KCTD1: variants seen among roughly 807,000 people sequenced by gnomAD.
KCTD1 encodes the protein BTB/POZ domain-containing protein KCTD1.
In KCTD1, 24 loss-of-function variants were observed where a neutral mutation model predicts 66.0. The observed-to-expected ratio is 0.36, with a 90% CI of 0.26 to 0.51. The LOEUF is 0.51. Among genes scored for constraint, KCTD1 ranks in the 20% least tolerant of loss-of-function variants. The pLI, the probability that KCTD1 is intolerant of heterozygous loss-of-function variation, is 0.95. For synonymous variants in KCTD1, 511 were observed against 517.2 expected (o/e 0.99, Z 0.16); for missense variants, 943 against 1,205.2 (o/e 0.78, Z 3.22).
At chr18:26,530,215 C>T (rs1410200724) in intron 1 of KCTD1, among the ~76,000 whole-genome samples, 1 of 152,222 alleles carries the variant, frequency 6.6e-6, no homozygotes. Flanking sequence ...AGTTCTTTCC[C>T]TAAGAACTTC....
chr18:26,479,149 C>T (rs1392630221), intron 2 of KCTD1, among the ~76,000 whole-genome samples: 1 of 152,262 alleles, frequency 6.6e-6, no homozygotes, highest in Non-Finnish European at 1.5e-5. Flanking sequence ...AGAGGGAGAT[C>T]TGAAGCGAGC....
chr18:26,514,517 C>T lies in KCTD1; in HGVS notation c.1810-13267G>A, dbSNP rs562800267. On this transcript the variant is annotated intron_variant, in intron 1 of 4. Transcript: ENST00000580059. ...GTGAGCTATGATCATGCCACTGCAT[C>T]CTAGCCCAGGCAACAGAGTGAGACC... Among the ~76,000 whole-genome samples, 12 of 148,158 alleles carry T rather than the reference C, an allele frequency of 8.1e-5. No individual in the cohort carries two copies. The East Asian group carries it at 1.6e-3, about 19-fold the overall frequency.
chr18:26,573,028 C>T (rs961124594), intron 1 of KCTD1, among the ~76,000 whole-genome samples: 2 of 146,382 alleles, frequency 1.4e-5, no homozygotes, highest in Non-Finnish European at 3.0e-5. Flanking sequence ...CCACCCCCCC[C>T]TTTTTTTTTT....
chr18:26,502,638 T>A (rs972884444), intron 1 of KCTD1, among the ~76,000 whole-genome samples: 2 of 152,230 alleles, frequency 1.3e-5, no homozygotes, highest in Non-Finnish European at 2.9e-5. Flanking sequence ...TGGTATTCAA[T>A]GAAGGGGTCA....
Position 26,548,068 on chromosome 18 carries a change from G to C in KCTD1, c.469C>G (p.Pro157Ala). ...CGCTCGGGGCGCTGCAGCACGTCGG[G>C]GTCCAGCTCGGAGCCGTCCCCGGGC... ...GPPGDGSELD[P>A]DVLQRPERAR... Residue 157 changes from proline to alanine, a missense_variant, in exon 1 of 5, where the codon CCC (proline) becomes GCC (alanine). This residue lies in a region of KCTD1 where 96 missense variants were observed against 132.5 expected (regional missense o/e 0.72). Transcript: ENST00000580059. 6.7e-7 allele frequency: 1 copy of C among 1,484,180 alleles called. No homozygotes were observed. Among genetic ancestry groups the C allele is most frequent in the Non-Finnish European group, 8.9e-7 (1 of 1,119,486 alleles). 91.9% of individuals were successfully genotyped at this position (1,484,180 alleles called of 1,614,324 possible). A position where few individuals can be genotyped will look rare whatever the true frequency, so the allele number is the denominator to read the frequency against.
intron 3 of KCTD1, among the ~76,000 whole-genome samples, chr18:26,470,723 T>C (rs959121020): frequency 6.6e-6 from 1 of 152,224 alleles, no homozygotes; most frequent in Non-Finnish European, 1.5e-5. Flanking sequence ...CAGTGAGTGA[T>C]AGATGCACTG....
rs910320221 is a variant in KCTD1 at position 26,459,761 on chromosome 18, G to A, written c.2298C>T (p.Ser766=). 16 of 1,614,026 alleles carry A rather than the reference G, an allele frequency of 9.9e-6. No individual in the cohort carries two copies. Among genetic ancestry groups the A allele is most frequent in the African/African-American group, 6.7e-5 (5 of 74,914 alleles). The change falls in exon 4 of 5, where the codon AGC becomes AGT. Residue 766 remains serine (S), a synonymous_variant. Coordinates refer to ENST00000580059, the MANE Select transcript of KCTD1 (RefSeq NM_001142730.3). ...CTTCTTCTATCAAGGATTTGTCACC[G>A]CTTAGCGTGATCCTTTCTCCGAGGT... The part of the protein sequence containing the change: ...APDLGERITL[S]GDKSLIEEVF...
chr18:26,591,796 T>C (rs1388275178), intron 1 of KCTD1, among the ~76,000 whole-genome samples: 3 of 152,204 alleles, frequency 2.0e-5, no homozygotes, highest in African/African-American at 7.2e-5. Context: ...TTGGTGTATA[T>C]AATAAATAAA....
At chr18:26,634,174 G>A (rs554292828), upstream of KCTD1, among the ~76,000 whole-genome samples, 1 of 152,172 alleles carries the variant, frequency 6.6e-6, no homozygotes, top group South Asian at 2.1e-4. Context: ...ATTCAGGGTG[G>A]CAAAAAAGTG....
chr18:26,484,299 C>A (rs1014919740), intron 2 of KCTD1, among the ~76,000 whole-genome samples: 1 of 152,030 alleles, frequency 6.6e-6, no homozygotes, highest in Admixed American at 6.6e-5. Context: ...ACAAACAAAA[C>A]AAATTATATC....
At chr18:26,563,010 C>G (rs1244021822) in intron 1 of KCTD1, among the ~76,000 whole-genome samples, 1 of 152,184 alleles carries the variant, frequency 6.6e-6, no homozygotes, top group Non-Finnish European at 1.5e-5. Context: ...TCCAAATCTG[C>G]TCCTCCTGCT....
At chr18:26,495,929 G>A (rs1327696720) in intron 2 of KCTD1, among the ~76,000 whole-genome samples, 1 of 152,132 alleles carries the variant, frequency 6.6e-6, no homozygotes, top group African/African-American at 2.4e-5. Context: ...GTTTTTGTTG[G>A]AGGTAATAGT....
intron 1 of KCTD1, among the ~76,000 whole-genome samples, chr18:26,573,001 C>T (rs764760477): frequency 2.0e-5 from 3 of 151,702 alleles, no homozygotes; most frequent in Non-Finnish European, 4.4e-5. Context: ...TATAGTGTAA[C>T]CCTACAGACT....
chr18:26,551,981 C>T (rs1985582330), upstream of KCTD1, among the ~76,000 whole-genome samples: 1 of 152,166 alleles, frequency 6.6e-6, no homozygotes, highest in Admixed American at 6.5e-5. Context: ...GGATACATGA[C>T]TTCTTTATAA....
intron 1 of KCTD1, among the ~76,000 whole-genome samples, chr18:26,539,304 A>G (rs1598927989): frequency 1.3e-5 from 2 of 152,262 alleles, no homozygotes; most frequent in African/African-American, 4.8e-5. Context: ...GAAGGGCTGC[A>G]TGAGGATTAA....
intron 3 of KCTD1, among the ~76,000 whole-genome samples, chr18:26,466,863 C>G (rs2144561658): frequency 6.6e-6 from 1 of 152,304 alleles, no homozygotes; most frequent in East Asian, 1.9e-4. Context: ...GGGATAGATT[C>G]ATGAGCTAAA....
chr18:26,470,918 G>A (rs1202845429), intron 3 of KCTD1, among the ~76,000 whole-genome samples: 2 of 152,232 alleles, frequency 1.3e-5, no homozygotes, highest in Non-Finnish European at 2.9e-5. Context: ...GAGGGACCAA[G>A]AGAAGTCCTG....
chr18:26,508,089 A>C (rs542750399), intron 1 of KCTD1, among the ~76,000 whole-genome samples: 2 of 152,346 alleles, frequency 1.3e-5, no homozygotes, highest in South Asian at 4.1e-4. Context: ...AAGCCAAAAA[A>C]AGTGCTTATT....
At chr18:26,609,275 T>C (rs1245772673) in intron 1 of KCTD1, among the ~76,000 whole-genome samples, 1 of 152,236 alleles carries the variant, frequency 6.6e-6, no homozygotes, top group Non-Finnish European at 1.5e-5. Flanking sequence ...AAAATTTTAA[T>C]GAAAATAGTA....
Sources: allele counts gnomAD v4.1 joint callset (sites outside exome capture counted in the v4.1 genomes callset), GRCh38; gene constraint gnomAD v4.1.1; regional missense constraint gnomAD v4.1.1; transcripts MANE v1.5; gene names NCBI Gene and HGNC (gene_info 2026-07-23, HGNC 2026-07-21).